The following CALN1 variants were observed in gnomAD, a reference collection of about 807,000 sequenced individuals.
CALN1 encodes calcium-binding protein 8.
CALN1 carries 17 observed loss-of-function variants against 30.6 expected under a neutral mutation model. The observed-to-expected ratio is 0.56, with a 90% confidence interval of 0.38 to 0.83. CALN1 has a LOEUF of 0.83. CALN1 is among the 40% of genes least tolerant of loss of function. The probability of loss-of-function intolerance (pLI) is 0.00; values close to 1 mark genes in which losing one functional copy is unlikely to be tolerated. For missense variants in CALN1, 291 were observed against 354.9 expected, an observed-to-expected ratio of 0.82 and a Z score of 1.45; for synonymous variants, 156 against 131.4, an observed-to-expected ratio of 1.19 and a Z score of -1.28.
At chr7:71,798,162 AG>A (rs1562788148) in intron 6 of CALN1, among the ~76,000 whole-genome samples, 1 of 146,732 alleles carries the variant, frequency 6.8e-6, no homozygotes, top group African/African-American at 2.6e-5. Flanking sequence ...AGAGAGAGAG[AG>A]AGAGAGAGAG....
At chr7:72,468,688 G>C in the CALN1 span, among the ~76,000 whole-genome samples, 1 of 152,136 alleles carries the variant, frequency 6.6e-6, no homozygotes, top group African/African-American at 2.4e-5. Context: ...CACCTGCAAT[G>C]TACAATGGGT....
chr7:71,890,301 G>A (rs1269012504), intron 5 of CALN1, among the ~76,000 whole-genome samples: 3 of 152,042 alleles, frequency 2.0e-5, no homozygotes, highest in African/African-American at 2.4e-5. Context: ...AACCCAAGAC[G>A]GGCACATCAG....
At chr7:72,353,466 G>A (rs1297987949) in intron 2 of CALN1, among the ~76,000 whole-genome samples, 5 of 151,884 alleles carry the variant, frequency 3.3e-5, no homozygotes, top group Admixed American at 2.0e-4. Flanking sequence ...CCTATTTATA[G>A]AAGAAAAAAT....
At chr7:72,016,320 A>G (rs1358918178) in intron 5 of CALN1, among the ~76,000 whole-genome samples, 1 of 151,772 alleles carries the variant, frequency 6.6e-6, no homozygotes, top group African/African-American at 2.4e-5. Flanking sequence ...TGCATAACAG[A>G]TTTGCAGTCA....
chr7:72,031,734 A>AG (rs1562993226), intron 4 of CALN1, among the ~76,000 whole-genome samples: 8 of 114,682 alleles, frequency 7.0e-5, no homozygotes, highest in East Asian at 4.8e-4. Flanking sequence ...CGCCTGGCTA[A>AG]TTTTTTTTTT....
intron 3 of CALN1, among the ~76,000 whole-genome samples, chr7:72,116,117 G>A (rs913713742): frequency 1.3e-5 from 2 of 152,088 alleles, no homozygotes; most frequent in Non-Finnish European, 2.9e-5. Flanking sequence ...TTTGCTATTT[G>A]AGGTGTGACT....
intron 3 of CALN1, among the ~76,000 whole-genome samples, chr7:72,214,595 G>C (rs1792639075): frequency 1.3e-5 from 2 of 152,118 alleles, no homozygotes; most frequent in Admixed American, 6.6e-5. Context: ...TCCAGCCTGG[G>C]TGACAGAGCG....
chr7:72,123,250 C>G (rs1275006694), intron 3 of CALN1, among the ~76,000 whole-genome samples: 5 of 152,140 alleles, frequency 3.3e-5, no homozygotes, highest in African/African-American at 1.2e-4. Context: ...TAGAAGTGAG[C>G]AGAAAACTTT....
At chr7:72,192,177 G>A (rs531068194) in intron 3 of CALN1, among the ~76,000 whole-genome samples, 14 of 152,116 alleles carry the variant, frequency 9.2e-5, no homozygotes, top group South Asian at 4.2e-4. Context: ...CCCACTACAC[G>A]TCTAGGCTAG....
rs1474527872 is a variant in CALN1, at chr7:72,062,897, G to T, written c.389-39128C>A. 7.2e-5 allele frequency among the ~76,000 whole-genome samples: 11 copies of T among 152,218 alleles called. No homozygotes were observed. The East Asian group carries it at 2.1e-3, about 29-fold the overall frequency. On this transcript the variant is annotated intron_variant, in intron 4 of 6. Coordinates refer to ENST00000395275, the MANE Select transcript of CALN1 (RefSeq NM_031468.4). ...GGCAAATTCTACCAAAACATTTAAA[G>T]AATTTTTTTCTTTATGGATAAATAA... is the stretch of plus-strand genomic sequence containing the variant.
At chr7:71,979,068 T>C (rs1337429184) in intron 5 of CALN1, among the ~76,000 whole-genome samples, 2 of 152,244 alleles carry the variant, frequency 1.3e-5, no homozygotes, top group Non-Finnish European at 1.5e-5. Context: ...CCTCCAGGAC[T>C]GAGGTCAGGC....
Position 72,346,600 on chromosome 7 carries a change from C to T in CALN1, c.119+56651G>A, listed in dbSNP as rs142991766. ...GCACGATCTCGGCTCACTGCAACCT[C>T]CACCTCCCAGGTTCAAGCGATTCTC... is the stretch of plus-strand genomic sequence containing the variant. On this transcript the variant is annotated intron_variant, in intron 2 of 6. Transcript: ENST00000395275. 6.9e-3 allele frequency among the ~76,000 whole-genome samples: 1,046 copies of T among 152,212 alleles called. 14 individuals are homozygous for T. Among genetic ancestry groups the T allele is most frequent in the African/African-American group, 0.024 (1,003 of 41,536 alleles).
rs1477276854 is a variant in CALN1 at position 72,054,444 on chromosome 7, T to TAC, written c.389-30676_389-30675insGT. Reference sequence around the variant, plus strand: ...GTGTATATATACACGTATATATATATATACATATATATACATATATATACA... The same window carrying TAC: ...GTGTATATATACACGTATATATATATACATACATATATATACATATATATACA... On this transcript the variant is annotated intron_variant, in intron 4 of 6. Coordinates refer to ENST00000395275, the MANE Select transcript of CALN1 (RefSeq NM_031468.4). Among the ~76,000 whole-genome samples the TAC allele has an allele frequency of 2.6e-3, 146 of 56,174 alleles. 8 individuals are homozygous for TAC. The highest frequency in any genetic ancestry group is 0.01 in the Middle Eastern group (1 of 98). 36.9% of individuals were successfully genotyped at this position (56,174 alleles called of 152,430 possible). A position where few individuals can be genotyped will look rare whatever the true frequency, so the allele number is the denominator to read the frequency against.
intron 2 of CALN1, among the ~76,000 whole-genome samples, chr7:72,316,049 G>A (rs1008423997): frequency 1.6e-4 from 24 of 152,010 alleles, no homozygotes; most frequent in African/African-American, 5.6e-4. Flanking sequence ...TCCTCAGGAA[G>A]CTGAGGCAGG....
intron 5 of CALN1, among the ~76,000 whole-genome samples, chr7:72,015,579 A>G (rs1800332402): frequency 6.6e-6 from 1 of 152,120 alleles, no homozygotes; most frequent in Admixed American, 6.5e-5. Context: ...AACTGGGACT[A>G]CAGGCATGTG....
chr7:72,302,141 C>T (rs1041907583), intron 2 of CALN1, among the ~76,000 whole-genome samples: 3 of 151,928 alleles, frequency 2.0e-5, no homozygotes, highest in Non-Finnish European at 4.4e-5. Context: ...ACTGCAGATG[C>T]GTTTCAGAAC....
chr7:71,819,239 A>G (rs932247239), intron 5 of CALN1, among the ~76,000 whole-genome samples: 39 of 142,600 alleles, frequency 2.7e-4, no homozygotes, highest in Non-Finnish European at 4.9e-4. Flanking sequence ...ACAGGGTTTC[A>G]CTCTTGCTCC....
At chr7:72,443,076 C>T (rs1487862010) in intron 1 of CALN1, among the ~76,000 whole-genome samples, 1 of 152,208 alleles carries the variant, frequency 6.6e-6, no homozygotes, top group Non-Finnish European at 1.5e-5. Context: ...TAGGATTGAG[C>T]ATTATTAAGG....
chr7:72,198,506 A>T (rs765455095), intron 3 of CALN1, among the ~76,000 whole-genome samples: 13 of 152,102 alleles, frequency 8.5e-5, no homozygotes, highest in Non-Finnish European at 1.2e-4. Flanking sequence ...GAACTCTCCC[A>T]AACAGGATTT....
Sources: gnomAD v4.1 joint callset for allele counts (sites outside exome capture counted in the v4.1 genomes callset) on GRCh38, gnomAD v4.1.1 for gene constraint, MANE v1.5 for transcripts, NCBI Gene and HGNC (gene_info 2026-07-23, HGNC 2026-07-21) for gene names.